SSBP3: variants seen among roughly 807,000 people sequenced by gnomAD.
The protein encoded by SSBP3 is single stranded DNA binding protein 3.
A neutral mutation model predicts 69.6 loss-of-function variants in SSBP3; 5 were observed. The ratio of observed to expected loss-of-function variants is 0.07; its 90% CI spans 0.04 to 0.15. SSBP3 has a LOEUF of 0.15. SSBP3 is among the 10% of genes least tolerant of loss of function. SSBP3 has a pLI of 1.00. For missense variants in SSBP3, 312 were observed against 534.0 expected, an observed-to-expected ratio of 0.58 and a Z score of 4.10; for synonymous variants, 196 against 193.4, an observed-to-expected ratio of 1.01 and a Z score of -0.11.
chr1:54,350,349 C>G (rs1235546425), intron 4 of SSBP3, among the ~76,000 whole-genome samples: 1 of 152,200 alleles, frequency 6.6e-6, no homozygotes, highest in Non-Finnish European at 1.5e-5. Flanking sequence ...GCGGAACAAG[C>G]GCTGTTACTA....
At chr1:54,274,782 C>A (rs1166451920) in intron 5 of SSBP3, among the ~76,000 whole-genome samples, 3 of 152,170 alleles carry the variant, frequency 2.0e-5, no homozygotes, top group South Asian at 2.1e-4. Context: ...TTATTAGGAA[C>A]CTTTCATGGC....
At chr1:54,279,044 C>T (rs1296273240) in intron 5 of SSBP3, among the ~76,000 whole-genome samples, 2 of 152,174 alleles carry the variant, frequency 1.3e-5, no homozygotes, top group Non-Finnish European at 2.9e-5. Flanking sequence ...AGGATCAGGC[C>T]AGGTACCTGG....
Position 54,387,580 on chromosome 1 carries a change from A to G in SSBP3, c.276+14281T>C, listed in dbSNP as rs2100752146. Among the ~76,000 whole-genome samples, 4 of 152,358 alleles carry G rather than the reference A, an allele frequency of 2.6e-5. No homozygotes were observed. The Middle Eastern group carries it at 0.01, about 389-fold the overall frequency. ...TCTATTTGAAACTGTCAAAATTAGCATTCAGTAATTAAAAATCACACCCTT... is the reference window on the plus strand; with the variant it reads ...TCTATTTGAAACTGTCAAAATTAGCGTTCAGTAATTAAAAATCACACCCTT... On this transcript the variant is annotated intron_variant, in intron 4 of 17. Transcript: ENST00000610401.
intron 5 of SSBP3, among the ~76,000 whole-genome samples, chr1:54,272,488 T>TAAAAAA (rs1170938104): frequency 2.0e-4 from 30 of 148,002 alleles, no homozygotes; most frequent in Admixed American, 1.2e-3. Context: ...ACCTTTTTTT[T>TAAAAAA]AAAAAAAAAA....
intron 4 of SSBP3, among the ~76,000 whole-genome samples, chr1:54,335,450 C>T (rs1646491705): frequency 6.6e-6 from 1 of 152,132 alleles, no homozygotes; most frequent in African/African-American, 2.4e-5. Context: ...ACTCTGGGCC[C>T]CGGCAACTGT....
At chr1:54,349,360 T>A (rs563999503) in intron 4 of SSBP3, among the ~76,000 whole-genome samples, 45 of 152,342 alleles carry the variant, frequency 3.0e-4, no homozygotes, top group African/African-American at 9.6e-4. Context: ...AAATGTTTGT[T>A]TGTTATGTGA....
intron 4 of SSBP3, among the ~76,000 whole-genome samples, chr1:54,358,071 G>A (rs1433447460): frequency 6.6e-6 from 1 of 152,222 alleles, no homozygotes. Context: ...GGACAGGACA[G>A]GAGCTCTAAG....
chr1:54,345,662 A>G lies in SSBP3; in HGVS notation c.276+56199T>C, dbSNP rs530673306. Among the ~76,000 whole-genome samples the G allele has an allele frequency of 6.6e-5, 10 of 152,316 alleles. No individual in the cohort carries two copies. In the East Asian group the frequency reaches 1.9e-3, roughly 29 times the overall value. On this transcript the variant is annotated intron_variant, in intron 4 of 17. Coordinates refer to ENST00000610401, the Ensembl canonical transcript of SSBP3. The stretch of plus-strand genomic sequence containing the variant: ...TAGCGTCTCACCCCAAACGCCAAGC[A>G]AAGTCTCTGTGCCTGACCAAGCCCT...
intron 4 of SSBP3, among the ~76,000 whole-genome samples, chr1:54,304,937 G>A (rs1036108815): frequency 3.9e-5 from 6 of 152,106 alleles, no homozygotes; most frequent in African/African-American, 1.2e-4. Context: ...CACCCCCACC[G>A]ACACCATGAG....
intron 9 of SSBP3, among the ~76,000 whole-genome samples, 200 bp from the exon 10 acceptor site, chr1:54,243,499 G>A (rs959947332): frequency 2.6e-5 from 4 of 152,170 alleles, no homozygotes; most frequent in Non-Finnish European, 5.9e-5. Flanking sequence ...CAGCACAGAG[G>A]GACAGTCACA....
intron 4 of SSBP3, among the ~76,000 whole-genome samples, chr1:54,329,121 T>A (rs1183667821): frequency 6.6e-6 from 1 of 152,148 alleles, no homozygotes; most frequent in Non-Finnish European, 1.5e-5. Flanking sequence ...CCTGGACTTC[T>A]GGAAGGAAGG....
chr1:54,240,111 C>T (rs1486049457), intron 13 of SSBP3, among the ~76,000 whole-genome samples: 72 of 2,556 alleles, frequency 0.028, no homozygotes, highest in Non-Finnish European at 0.043. Flanking sequence ...TGTGCGTGCG[C>T]GCGCGCGCGC....
intron 4 of SSBP3, among the ~76,000 whole-genome samples, chr1:54,369,559 C>T (rs778392824): frequency 6.6e-6 from 1 of 152,164 alleles, no homozygotes; most frequent in Non-Finnish European, 1.5e-5. Flanking sequence ...TGTGTCTCCA[C>T]GTGAAGGAAA....
chr1:54,233,343 C>T (rs2100578431), intron 14 of SSBP3, among the ~76,000 whole-genome samples: 1 of 150,842 alleles, frequency 6.6e-6, no homozygotes, highest in Non-Finnish European at 1.5e-5. Flanking sequence ...GCGTCTCTGC[C>T]CGGCCGCCCC....
At chr1:54,260,720 C>T (rs1246488299) in intron 5 of SSBP3, among the ~76,000 whole-genome samples, 3 of 151,652 alleles carry the variant, frequency 2.0e-5, no homozygotes, top group Non-Finnish European at 4.4e-5. Flanking sequence ...GTCAGGGAGG[C>T]CCCAGCCCAG....
Position 54,394,695 on chromosome 1 carries a change from C to CTTT in SSBP3, c.276+7163_276+7165dup, listed in dbSNP as rs544898836. On this transcript the variant is annotated intron_variant, in intron 4 of 17. Coordinates refer to ENST00000610401, the Ensembl canonical transcript of SSBP3. Reference sequence around the variant, plus strand: ...CAAGCTCACTGTCTCCTTAAGACTCCTTTTTTTTTTTTTTTTTTTTTTTTT... The same window carrying CTTT: ...CAAGCTCACTGTCTCCTTAAGACTCCTTTTTTTTTTTTTTTTTTTTTTTTTTTT... Among the ~76,000 whole-genome samples, 358 of 97,138 alleles carry CTTT rather than the reference C, an allele frequency of 3.7e-3. 2 individuals are homozygous for CTTT. The highest frequency in any genetic ancestry group is 4.1e-3 in the Non-Finnish European group (219 of 52,952). The allele number at this position is 97,138 out of a possible 152,430, so 63.7% of individuals were successfully genotyped here. A position where few individuals can be genotyped will look rare whatever the true frequency, so the allele number is the denominator to read the frequency against.
At chr1:54,401,399 CACA>C (rs1423108136) in intron 4 of SSBP3, among the ~76,000 whole-genome samples, 8 of 152,090 alleles carry the variant, frequency 5.3e-5, no homozygotes, top group African/African-American at 1.9e-4. Flanking sequence ...CACACACACA[CACA>C]CCCATAATTT....
intron 4 of SSBP3, among the ~76,000 whole-genome samples, chr1:54,390,125 G>A (rs1648382057): frequency 6.6e-6 from 1 of 152,134 alleles, no homozygotes; most frequent in Non-Finnish European, 1.5e-5. Flanking sequence ...CGAAATGGGA[G>A]GAATGCCTGT....
chr1:54,357,427 G>C (rs1646886460), intron 4 of SSBP3, among the ~76,000 whole-genome samples: 4 of 151,970 alleles, frequency 2.6e-5, no homozygotes, highest in Admixed American at 2.6e-4. Flanking sequence ...AAGTTTTTTG[G>C]GGGCTGGGGG....
Sources: gnomAD v4.1 joint callset for allele counts (sites outside exome capture counted in the v4.1 genomes callset) on GRCh38, gnomAD v4.1.1 for gene constraint, MANE v1.5 for transcripts, NCBI Gene and HGNC (gene_info 2026-07-23, HGNC 2026-07-21) for gene names.